TMTC2: variants seen among roughly 807,000 people sequenced by gnomAD.
TMTC2 encodes transmembrane O-mannosyltransferase targeting cadherins 2, also known as protein O-mannosyl-transferase TMTC2.
A neutral mutation model predicts 82.4 loss-of-function variants in TMTC2; 43 were observed. The observed-to-expected ratio is 0.52, with a 90% confidence interval of 0.41 to 0.67. The LOEUF (loss-of-function observed/expected upper bound fraction) is 0.67, where lower values mean the gene tolerates loss of function less well. TMTC2 is among the 30% of genes least tolerant of loss of function. TMTC2 has a pLI of 0.00. For missense variants in TMTC2, 919 were observed against 1,012.4 expected (o/e 0.91, Z 1.25); for synonymous variants, 408 against 381.9 (o/e 1.07, Z -0.80).
intron 9 of TMTC2, among the ~76,000 whole-genome samples, chr12:83,034,599 G>C (rs1881588194): frequency 1.3e-5 from 2 of 152,274 alleles, no homozygotes; most frequent in Non-Finnish European, 2.9e-5. Flanking sequence ...TTTTCATCAA[G>C]AGATGATGGT....
intron 1 of TMTC2, among the ~76,000 whole-genome samples, chr12:82,817,628 G>A (rs1868826192): frequency 6.6e-6 from 1 of 152,098 alleles, no homozygotes; most frequent in South Asian, 2.1e-4. Context: ...TATTCATTAG[G>A]TCATTTGTGT....
At chr12:82,874,780 A>T (rs1458794880) in intron 2 of TMTC2, among the ~76,000 whole-genome samples, 2 of 152,212 alleles carry the variant, frequency 1.3e-5, no homozygotes, top group Admixed American at 6.5e-5. Flanking sequence ...ATAGGGAATT[A>T]TGCCATTTTT....
intron 2 of TMTC2, among the ~76,000 whole-genome samples, chr12:82,889,453 C>G (rs570354247): frequency 2.0e-5 from 3 of 152,174 alleles, no homozygotes; most frequent in African/African-American, 7.2e-5. Context: ...GAGCCACACA[C>G]AGATGGGGAG....
chr12:82,905,710 C>T (rs755180053), intron 3 of TMTC2, among the ~76,000 whole-genome samples: 3 of 151,984 alleles, frequency 2.0e-5, no homozygotes, highest in Non-Finnish European at 4.4e-5. Context: ...TTTGGGAGGC[C>T]GAGGCGGGCG....
At chr12:82,990,491 CCT>C (rs1483657397) in intron 8 of TMTC2, among the ~76,000 whole-genome samples, 1 of 152,054 alleles carries the variant, frequency 6.6e-6, no homozygotes, top group Non-Finnish European at 1.5e-5. Context: ...ATGTCCTTTT[CCT>C]CTCTTTGCCT....
At chr12:82,832,035 T>A (rs958619948) in intron 1 of TMTC2, among the ~76,000 whole-genome samples, 42 of 152,278 alleles carry the variant, frequency 2.8e-4, no homozygotes, top group South Asian at 1.4e-3. Context: ...TGATAGAAAG[T>A]GGGTTATACA....
At chr12:83,068,019 T>C (rs999989827) in intron 11 of TMTC2, among the ~76,000 whole-genome samples, 2 of 152,064 alleles carry the variant, frequency 1.3e-5, no homozygotes, top group Non-Finnish European at 2.9e-5. Flanking sequence ...GCCAGTGTTA[T>C]CCATTTGGGC....
intron 3 of TMTC2, among the ~76,000 whole-genome samples, chr12:82,902,094 T>C (rs1874052376): frequency 6.6e-6 from 1 of 152,160 alleles, no homozygotes; most frequent in African/African-American, 2.4e-5. Context: ...CTGAGATCTT[T>C]CCCTTACGGA....
intron 4 of TMTC2, among the ~76,000 whole-genome samples, chr12:82,946,901 C>T (rs773387717): frequency 1.3e-5 from 2 of 152,006 alleles, no homozygotes; most frequent in South Asian, 2.1e-4. Flanking sequence ...GCCACCACCC[C>T]GGGCTAATTT....
intron 11 of TMTC2, among the ~76,000 whole-genome samples, chr12:83,106,705 T>C (rs1408412948): frequency 2.0e-5 from 3 of 152,156 alleles, no homozygotes; most frequent in African/African-American, 2.4e-5. Flanking sequence ...GCACATTAAA[T>C]GCACAACAGT....
chr12:82,820,640 G>T (rs943561625), intron 1 of TMTC2, among the ~76,000 whole-genome samples: 4 of 152,156 alleles, frequency 2.6e-5, no homozygotes, highest in Admixed American at 2.0e-4. Flanking sequence ...CTCCCAAAGT[G>T]CTGGGATTAC....
intron 11 of TMTC2, among the ~76,000 whole-genome samples, chr12:83,075,818 T>C (rs1883267368): frequency 6.6e-6 from 1 of 152,240 alleles, no homozygotes; most frequent in Non-Finnish European, 1.5e-5. Flanking sequence ...CCAAATTATG[T>C]TCATGCTGCA....
intron 1 of TMTC2, among the ~76,000 whole-genome samples, chr12:82,805,469 C>G (rs955487634): frequency 4.0e-5 from 6 of 149,570 alleles, no homozygotes; most frequent in Non-Finnish European, 5.9e-5. Context: ...TTTTTACACC[C>G]CTTAGTAAGT....
chr12:82,816,695 T>C (rs1326488924), intron 1 of TMTC2, among the ~76,000 whole-genome samples: 1 of 152,096 alleles, frequency 6.6e-6, no homozygotes, highest in Non-Finnish European at 1.5e-5. Flanking sequence ...AGGAGAGGAA[T>C]TTTTTGGCCT....
At chr12:83,003,245 CT>C (rs1185834529) in intron 8 of TMTC2, among the ~76,000 whole-genome samples, 2 of 152,102 alleles carry the variant, frequency 1.3e-5, no homozygotes, top group South Asian at 2.1e-4. Context: ...GACCTCATCT[CT>C]TTTTTTTCCT....
At chr12:83,071,558 T>C (rs1380358711) in intron 11 of TMTC2, among the ~76,000 whole-genome samples, 1 of 152,186 alleles carries the variant, frequency 6.6e-6, no homozygotes, top group African/African-American at 2.4e-5. Context: ...TGTAGAATAG[T>C]TTCAAAAGGA....
Position 83,132,245 on chromosome 12 carries a change from G to A in TMTC2, c.2367G>A (p.Leu789=). Residue 789 remains leucine, a synonymous_variant, in exon 12 of 12, where the codon CTG becomes CTA. Transcript: ENST00000321196. ...CTTTGATGAACCTGGGAGCCATTCTGCACCTCAATGGCAGACTCCAGAAGG... is the reference window on the plus strand; with the variant it reads ...CTTTGATGAACCTGGGAGCCATTCTACACCTCAATGGCAGACTCCAGAAGG... ...PAALMNLGAI[L]HLNGRLQKAE... is the part of the protein sequence containing the mutation. The A allele has an allele frequency of 6.2e-7, 1 of 1,613,476 alleles. No individual in the cohort carries two copies. Among genetic ancestry groups the A allele is most frequent in the Non-Finnish European group, 8.5e-7 (1 of 1,179,752 alleles).
chr12:82,929,065 TTTTTG>T (rs1017177702), intron 3 of TMTC2, among the ~76,000 whole-genome samples: 2 of 152,036 alleles, frequency 1.3e-5, no homozygotes, highest in African/African-American at 2.4e-5. Context: ...TGTGTTTGTT[TTTTTG>T]TTTTGTTTTG....
chr12:82,936,427 TAAAC>T (rs1455354054), intron 4 of TMTC2, among the ~76,000 whole-genome samples: 1 of 151,236 alleles, frequency 6.6e-6, no homozygotes, highest in Non-Finnish European at 1.5e-5. Flanking sequence ...AAAAAGCAAA[TAAAC>T]AAGAACCATA....
Sources: allele counts gnomAD v4.1 joint callset (sites outside exome capture counted in the v4.1 genomes callset), GRCh38; gene constraint gnomAD v4.1.1; transcripts MANE v1.5; gene names NCBI Gene and HGNC (gene_info 2026-07-23, HGNC 2026-07-21).